The following PKHD1L1 variants were observed in gnomAD, a reference collection of about 807,000 sequenced individuals.
PKHD1L1 encodes the protein fibrocystin-L.
Under a neutral mutation model 462.9 loss-of-function variants are expected in PKHD1L1, and 434 were observed. The ratio of observed to expected loss-of-function variants is 0.94; its 90% confidence interval spans 0.87 to 1.02. PKHD1L1 has a LOEUF of 1.02. PKHD1L1 is among the 50% of genes least tolerant of loss of function. The pLI is 0.00. For missense variants in PKHD1L1, 5,202 were observed against 5,096.1 expected, an observed-to-expected ratio of 1.02 and a Z score of -0.63; for synonymous variants, 1,781 against 1,750.0, an observed-to-expected ratio of 1.02 and a Z score of -0.44.
intron 5 of PKHD1L1, 125 bp downstream of exon 5, chr8:109,384,252 C>T: frequency 1.2e-6 from 1 of 827,648 alleles, no homozygotes; most frequent in Non-Finnish European, 1.9e-6. Context: ...ATAAAAATAA[C>T]TATCAGCCAG....
At chr8:109,386,985 T>C (rs181307499) in intron 6 of PKHD1L1, among the ~76,000 whole-genome samples, 13 of 152,300 alleles carry the variant, frequency 8.5e-5, no homozygotes, top group Admixed American at 8.5e-4. Context: ...AGCTATTATA[T>C]GTAAATATAG....
chr8:109,485,283 C>A, intron 58 of PKHD1L1, 110 bp downstream of exon 58: 3 of 1,032,408 alleles, frequency 2.9e-6, no homozygotes, highest in Non-Finnish European at 4.1e-6. Context: ...GTTAAAGGAG[C>A]ATTTTATTCA....
At chr8:109,455,601 CCT>C (rs1816777024) in intron 45 of PKHD1L1, among the ~76,000 whole-genome samples, 2 of 152,000 alleles carry the variant, frequency 1.3e-5, no homozygotes, top group Admixed American at 1.3e-4. Context: ...GAAAATGGGG[CCT>C]CTCTAAAATA....
At chr8:109,397,617 G>T (rs1023198737) in intron 11 of PKHD1L1, among the ~76,000 whole-genome samples, 4 of 152,200 alleles carry the variant, frequency 2.6e-5, no homozygotes, top group African/African-American at 9.7e-5. Context: ...TTGAACCCAG[G>T]AGGTGGAGGC....
intron 5 of PKHD1L1, 29 bp from the exon 6 acceptor site, chr8:109,385,508 A>T (rs751636634): frequency 2.1e-6 from 3 of 1,439,708 alleles, no homozygotes; most frequent in East Asian, 2.3e-5. Flanking sequence ...CTTACACAGA[A>T]TCTTTTTGGG....
intron 3 of PKHD1L1, 44 bp from the exon 4 acceptor site, chr8:109,382,419 A>G (rs1812171016): frequency 2.7e-6 from 4 of 1,496,960 alleles, no homozygotes; most frequent in Non-Finnish European, 2.7e-6. Context: ...ACACTAAATA[A>G]GAGAGGAATT....
intron 68 of PKHD1L1, among the ~76,000 whole-genome samples, chr8:109,505,774 G>A (rs1453090079): frequency 1.3e-5 from 2 of 151,370 alleles, no homozygotes; most frequent in East Asian, 3.9e-4. Flanking sequence ...GTGTGGTGGT[G>A]TACACCTGTG....
At chr8:109,459,878 T>A (rs1287256578) in intron 47 of PKHD1L1, 42 bp downstream of exon 47, 2 of 1,538,568 alleles carry the variant, frequency 1.3e-6, no homozygotes, top group Non-Finnish European at 1.7e-6. Flanking sequence ...TCATGCCATA[T>A]AGTTTTACAA....
intron 23 of PKHD1L1, among the ~76,000 whole-genome samples, chr8:109,421,716 G>T (rs1284418477): frequency 6.6e-6 from 1 of 152,254 alleles, no homozygotes; most frequent in Admixed American, 6.5e-5. Context: ...CCCGGGAGGC[G>T]GAGCTTGCAG....
At chr8:109,521,120 T>C (rs1000300684) in intron 73 of PKHD1L1, among the ~76,000 whole-genome samples, 4 of 151,790 alleles carry the variant, frequency 2.6e-5, no homozygotes, top group Non-Finnish European at 5.9e-5. Context: ...TCCAAAAGAG[T>C]CCTTTTAAAC....
At chr8:109,527,176 A>T in intron 77 of PKHD1L1, 156 bp downstream of exon 77, 1 of 699,156 alleles carries the variant, frequency 1.4e-6, no homozygotes, top group Non-Finnish European at 2.4e-6. Flanking sequence ...CCTATGGAAA[A>T]TGTTATTCAC....
chr8:109,525,781 A>C (rs568088109), intron 76 of PKHD1L1, among the ~76,000 whole-genome samples: 1 of 152,362 alleles, frequency 6.6e-6, no homozygotes, highest in African/African-American at 2.4e-5. Context: ...AAAAAATTTT[A>C]ATACACCATT....
chr8:109,477,507 G>GCT, intron 53 of PKHD1L1, 111 bp downstream of exon 53: 1 of 1,001,186 alleles, frequency 1.0e-6, no homozygotes. Context: ...ATGTCTTGTA[G>GCT]GTTACAAAGT....
At chr8:109,408,382 G>A (rs1014287857) in intron 18 of PKHD1L1, among the ~76,000 whole-genome samples, 176 bp downstream of exon 18, 2 of 152,148 alleles carry the variant, frequency 1.3e-5, no homozygotes, top group African/African-American at 4.8e-5. Flanking sequence ...TCTGAAAGGA[G>A]ACTAAGAGTC....
chr8:109,482,404 A>G (rs1434352702), intron 56 of PKHD1L1, among the ~76,000 whole-genome samples: 1 of 151,792 alleles, frequency 6.6e-6, no homozygotes, highest in African/African-American at 2.4e-5. Context: ...TGTAAAGAAT[A>G]CACATCTTTC....
In PKHD1L1 at chr8:109,534,876, G is replaced by C. The variant is rs1821114017; in HGVS notation, c.*4786G>C. On this transcript the variant is annotated 3_prime_UTR_variant, in exon 78 of 78. Transcript: ENST00000378402. ...GTCATGGAGAAACTGTTCTAAGAAC[G>C]CCATTCACCCATGAATGTGACTTTA... is the stretch of plus-strand genomic sequence containing the variant. 6.6e-6 allele frequency among the ~76,000 whole-genome samples: 1 copy of C among 150,746 alleles called. No homozygotes were observed. The highest frequency in any genetic ancestry group is 1.5e-5 in the Non-Finnish European group (1 of 67,824).
At chr8:109,476,482 T>A in intron 51 of PKHD1L1, 26 bp from the exon 52 acceptor site, 1 of 1,352,032 alleles carries the variant, frequency 7.4e-7, no homozygotes, top group Non-Finnish European at 1.0e-6. Context: ...AACATACAAG[T>A]CACATTTTTC....
At chr8:109,450,894 T>C in intron 40 of PKHD1L1, 81 bp from the exon 41 acceptor site, 1 of 1,318,830 alleles carries the variant, frequency 7.6e-7, no homozygotes, top group Non-Finnish European at 1.0e-6. Context: ...AAGGAAGATG[T>C]TATTGAAAAT....
At chr8:109,458,715 A>G (rs777218853) in intron 46 of PKHD1L1, among the ~76,000 whole-genome samples, 1 of 152,104 alleles carries the variant, frequency 6.6e-6, no homozygotes, top group African/African-American at 2.4e-5. Context: ...GGGAAGGGTA[A>G]AAAGAAAATG....
Sources: allele counts gnomAD v4.1 joint callset (sites outside exome capture counted in the v4.1 genomes callset), GRCh38; gene constraint gnomAD v4.1.1; transcripts MANE v1.5; gene names NCBI Gene and HGNC (gene_info 2026-07-23, HGNC 2026-07-21).